The following SYNE1 variants were observed in gnomAD, a reference collection of about 807,000 sequenced individuals.
The protein encoded by SYNE1 is spectrin repeat containing nuclear envelope protein 1.
Under a neutral mutation model 1,111.0 loss-of-function variants are expected in SYNE1, and 616 were observed. The observed-to-expected ratio is 0.55, with a 90% confidence interval of 0.52 to 0.59. The LOEUF is 0.59. SYNE1 is among the 20% of genes least tolerant of loss of function. The pLI is 0.00. For missense variants in SYNE1, 10,006 were observed against 10,417.0 expected, an observed-to-expected ratio of 0.96 and a Z score of 1.72; for synonymous variants, 3,855 against 3,825.8, an observed-to-expected ratio of 1.01 and a Z score of -0.28.
chr6:152,324,784 G>A (rs1218289762), intron 81 of SYNE1, among the ~76,000 whole-genome samples: 1 of 152,216 alleles, frequency 6.6e-6, no homozygotes, highest in Non-Finnish European at 1.5e-5. Flanking sequence ...CTGGGCGACA[G>A]AGGGAGACTC....
chr6:152,329,610 T>C, intron 78 of SYNE1, 120 bp downstream of exon 78: 6 of 1,277,366 alleles, frequency 4.7e-6, no homozygotes, highest in Non-Finnish European at 6.7e-6. Flanking sequence ...AAGATGCTTC[T>C]GTGTAGTATT....
At chr6:152,143,545 G>A in intron 138 of SYNE1, 78 bp downstream of exon 138, 1 of 1,603,754 alleles carries the variant, frequency 6.2e-7, no homozygotes, top group South Asian at 1.1e-5. Context: ...ATAAAGCCCT[G>A]ATGCTGCAGA....
intron 3 of SYNE1, among the ~76,000 whole-genome samples, chr6:152,582,612 G>A (rs2099524290): frequency 6.6e-6 from 1 of 151,438 alleles, no homozygotes; most frequent in Non-Finnish European, 1.5e-5. Flanking sequence ...AGATCCATGG[G>A]GTACATGTGC....
chr6:152,550,319 A>G (rs2099335477), intron 3 of SYNE1, among the ~76,000 whole-genome samples: 1 of 152,174 alleles, frequency 6.6e-6, no homozygotes, highest in Admixed American at 6.5e-5. Flanking sequence ...TGTTTGATTT[A>G]TCTTATAATT....
intron 32 of SYNE1, among the ~76,000 whole-genome samples, chr6:152,437,939 G>A (rs1046330988): frequency 2.6e-5 from 4 of 151,872 alleles, no homozygotes; most frequent in South Asian, 2.1e-4. Flanking sequence ...TCACGAGTTC[G>A]GCCAACAAAT....
At chr6:152,312,539 A>AAT (rs1757271835) in intron 87 of SYNE1, among the ~76,000 whole-genome samples, 1 of 149,194 alleles carries the variant, frequency 6.7e-6, no homozygotes, top group South Asian at 2.1e-4. Context: ...TTAACACATA[A>AAT]ATATATATAG....
At chr6:152,425,210 G>T (rs556747145) in intron 39 of SYNE1, among the ~76,000 whole-genome samples, 171 bp downstream of exon 39, 2 of 152,150 alleles carry the variant, frequency 1.3e-5, no homozygotes, top group Non-Finnish European at 2.9e-5. Context: ...CATCAGAAAT[G>T]CTCAGTTTTG....
chr6:152,324,131 G>T (rs1291204305), intron 81 of SYNE1, among the ~76,000 whole-genome samples: 1 of 152,190 alleles, frequency 6.6e-6, no homozygotes, highest in Non-Finnish European at 1.5e-5. Context: ...GCATGTGGTG[G>T]CTCGTGCCTG....
intron 51 of SYNE1, among the ~76,000 whole-genome samples, chr6:152,395,153 C>T (rs987436570): frequency 1.3e-5 from 2 of 151,648 alleles, no homozygotes; most frequent in Non-Finnish European, 2.9e-5. Flanking sequence ...TTCATATCAG[C>T]TTCACATTAT....
intron 62 of SYNE1, 136 bp downstream of exon 62, chr6:152,367,082 C>G (rs887122061): frequency 9.3e-7 from 1 of 1,079,728 alleles, no homozygotes; most frequent in Non-Finnish European, 1.4e-6. Context: ...CCAAGGCAGA[C>G]AGCGTTGCAC....
At chr6:152,552,049 A>G (rs764541074) in intron 3 of SYNE1, among the ~76,000 whole-genome samples, 4 of 152,242 alleles carry the variant, frequency 2.6e-5, no homozygotes, top group Non-Finnish European at 4.4e-5. Flanking sequence ...CTACCTTCAT[A>G]GAACCACTTT....
chr6:152,160,818 A>T (rs983802100), intron 131 of SYNE1, among the ~76,000 whole-genome samples: 1 of 152,126 alleles, frequency 6.6e-6, no homozygotes, highest in African/African-American at 2.4e-5. Context: ...GGAAACCTTT[A>T]GGATCTCCTT....
At chr6:152,515,046 A>ACT (rs1051822307) in intron 6 of SYNE1, among the ~76,000 whole-genome samples, 1 of 151,906 alleles carries the variant, frequency 6.6e-6, no homozygotes, top group Non-Finnish European at 1.5e-5. Flanking sequence ...ATGTGGTGAA[A>ACT]CTCTGTCACT....
Position 152,336,579 on chromosome 6 carries a change from T to C in SYNE1, c.12528+262A>G, listed in dbSNP as rs1289197814. The C allele has an allele frequency of 7.7e-6, 4 of 516,656 alleles. No homozygotes were observed. In the East Asian group the frequency reaches 1.5e-4, roughly 19 times the overall value. 32.0% of individuals were successfully genotyped at this position (516,656 alleles called of 1,614,324 possible). On this transcript the variant is annotated intron_variant, in intron 76 of 145. Coordinates refer to ENST00000367255, the MANE Select transcript of SYNE1 (RefSeq NM_182961.4). ...TAGGGTTTGCACTCCTATGAGAATC[T>C]GATGTGGCCTCTGATCTGACAGGAG...
At chr6:152,372,012 CAGAT>C (rs1309815186) in intron 59 of SYNE1, among the ~76,000 whole-genome samples, 43 of 151,996 alleles carry the variant, frequency 2.8e-4, no homozygotes, top group Admixed American at 2.8e-3. Flanking sequence ...TCAAGTAAAA[CAGAT>C]AGATACCTAT....
Position 152,123,628 on chromosome 6 carries a change from A to T in SYNE1, c.26154-952T>A, listed in dbSNP as rs139054365. 7.6e-3 allele frequency among the ~76,000 whole-genome samples: 1,164 copies of T among 152,320 alleles called. 21 individuals are homozygous for T. The highest frequency in any genetic ancestry group is 0.026 in the African/African-American group (1,093 of 41,566). ...CTTTTTTTGGTTACTAGCAGAAAAG[A>T]TGAAGAAAGAAATGTTGTTTACGAC... On this transcript the variant is annotated intron_variant, in intron 145 of 145. Transcript: ENST00000367255.
At chr6:152,127,004 T>A (rs557300821) in intron 145 of SYNE1, 1 of 152,228 alleles carries the variant, frequency 6.6e-6, no homozygotes, top group Non-Finnish European at 1.5e-5. Flanking sequence ...GTGATCTTGA[T>A]CCTGCCCTTA....
At chr6:152,310,995 C>T in intron 87 of SYNE1, 122 bp from the exon 88 acceptor site, 1 of 1,014,476 alleles carries the variant, frequency 9.9e-7, no homozygotes, top group South Asian at 1.4e-5. Flanking sequence ...GTTTAACCTT[C>T]ACCCCCCATG....
rs781675356 is a variant in SYNE1 at position 152,451,110 on chromosome 6, C to T, written c.3123G>A (p.Glu1041=). The change falls in exon 26 of 146, where the codon GAG becomes GAA. Residue 1041 remains glutamate, a synonymous_variant. Transcript: ENST00000367255. ...GCATCAGCTTGGTCTCTCGATCCAG[C>T]TCAGTTCTGCATTCTTCTACAGAGG... ...FLASVEECRT[E]LDRETKLMPQ... 8 of 1,614,146 alleles carry T rather than the reference C, an allele frequency of 5.0e-6. No individual in the cohort carries two copies. The East Asian group carries it at 1.8e-4, about 36-fold the overall frequency.
Sources: gnomAD v4.1 joint callset for allele counts (sites outside exome capture counted in the v4.1 genomes callset) on GRCh38, gnomAD v4.1.1 for gene constraint, MANE v1.5 for transcripts, NCBI Gene and HGNC (gene_info 2026-07-23, HGNC 2026-07-21) for gene names.